RHCE: variants seen among roughly 807,000 people sequenced by gnomAD.
RHCE encodes the protein blood group Rh(CE) polypeptide.
In RHCE, 22 loss-of-function variants were observed where a neutral mutation model predicts 43.8. That is an observed-to-expected ratio of 0.50 (90% confidence interval 0.36 to 0.72). RHCE has a LOEUF of 0.72. RHCE is among the 30% of genes least tolerant of loss of function. RHCE has a pLI of 0.00. For synonymous variants in RHCE, 156 were observed against 210.7 expected (o/e 0.74, Z 2.25); for missense variants, 385 against 525.4 (o/e 0.73, Z 2.61).
intron 1 of RHCE, among the ~76,000 whole-genome samples, chr1:25,418,513 G>T (rs2042664250): frequency 1.3e-5 from 2 of 152,214 alleles, no homozygotes; most frequent in Admixed American, 6.5e-5. Flanking sequence ...ATGTTGGCCA[G>T]GCTGGTCTTG....
chr1:25,394,137 C>A (rs1646468299), intron 3 of RHCE, among the ~76,000 whole-genome samples: 1 of 152,052 alleles, frequency 6.6e-6, no homozygotes, highest in Non-Finnish European at 1.5e-5. Flanking sequence ...TACAGGCGCC[C>A]ACCACTGTGC....
At chr1:25,377,104 C>T (rs1645810920) in intron 7 of RHCE, among the ~76,000 whole-genome samples, 1 of 152,048 alleles carries the variant, frequency 6.6e-6, no homozygotes, top group Admixed American at 6.6e-5. Context: ...GCTTCCTCCC[C>T]AGCTCCAAAC....
chr1:25,374,713 C>T (rs560102806), intron 8 of RHCE, among the ~76,000 whole-genome samples: 52 of 81,588 alleles, frequency 6.4e-4, no homozygotes, highest in Admixed American at 3.2e-3. Flanking sequence ...CATCGCATAT[C>T]TCCCTCCTCT....
chr1:25,401,970 G>T (rs757830816), intron 3 of RHCE, among the ~76,000 whole-genome samples: 1 of 151,920 alleles, frequency 6.6e-6, no homozygotes, highest in Non-Finnish European at 1.5e-5. Context: ...TCCACCCTCC[G>T]GGTTCAAGCG....
At chr1:25,385,540 C>T (rs1271223273) in intron 7 of RHCE, 171 bp downstream of exon 7, 27 of 1,036,740 alleles carry the variant, frequency 2.6e-5, no homozygotes, top group Non-Finnish European at 3.2e-5. Context: ...ATAAATCCAT[C>T]CAAGGTAGGG....
chr1:25,416,818 G>GT (rs1239503833), intron 1 of RHCE, among the ~76,000 whole-genome samples: 3 of 92,322 alleles, frequency 3.2e-5, no homozygotes, highest in Non-Finnish European at 6.7e-5. Flanking sequence ...TTTAGAGATG[G>GT]CGGGGGGGGG....
At chr1:25,370,336 C>T (rs1412538109) in intron 9 of RHCE, 131 bp downstream of exon 9, 9 of 737,714 alleles carry the variant, frequency 1.2e-5, no homozygotes, top group Non-Finnish European at 1.5e-5. Flanking sequence ...TCCTCTAGTT[C>T]CTCCTGCAAT....
At chr1:25,426,995 T>C (rs966457296) in intron 2 of RHCE, among the ~76,000 whole-genome samples, 2 of 151,696 alleles carry the variant, frequency 1.3e-5, no homozygotes. Flanking sequence ...AGGCAGAGAT[T>C]GCAGTGAGCT....
chr1:25,382,836 T>C (rs1008429218), intron 7 of RHCE, among the ~76,000 whole-genome samples: 2 of 152,228 alleles, frequency 1.3e-5, no homozygotes, highest in African/African-American at 4.8e-5. Flanking sequence ...TTCATGAATT[T>C]AGCCATACTG....
In RHCE at chr1:25,385,729, A is replaced by G; in HGVS notation, c.1055T>C (p.Val352Ala). 1 of 1,613,982 alleles carries G rather than the reference A, an allele frequency of 6.2e-7. No homozygotes were observed. Among genetic ancestry groups the G allele is most frequent in the South Asian group, 1.1e-5 (1 of 91,082 alleles). ...GACCCACATGCCATTGCCGTTCCAG[A>G]CAGTATGAAGCACCAGCAGCACAAT... ...TYIVLLVLHT[V>A]WNGNGMIGFQ... Residue 352 changes from valine to alanine, a missense_variant, in exon 7 of 10, where the codon GTC becomes GCC. Physicochemically the swap from Val to Ala is moderately conservative, Grantham distance 64. Transcript: ENST00000294413.
chr1:25,428,024 T>C (rs778245559), intron 2 of RHCE, among the ~76,000 whole-genome samples: 1 of 146,216 alleles, frequency 6.8e-6, no homozygotes, highest in Non-Finnish European at 1.6e-5. Context: ...TGCTTCCACA[T>C]AGTCCTAGAG....
chr1:25,362,401 G>T lies in RHCE; in HGVS notation c.*126C>A. ...ATTTTTTAATATCAAATCTGTCTCTGACCTTGTTTCATTATACATAAGGAG... is the reference window on the plus strand; with the variant it reads ...ATTTTTTAATATCAAATCTGTCTCTTACCTTGTTTCATTATACATAAGGAG... On this transcript the variant is annotated 3_prime_UTR_variant, in exon 10 of 10. Coordinates refer to ENST00000294413, the MANE Select transcript of RHCE (RefSeq NM_020485.8). 6.2e-7 allele frequency: 1 copy of T among 1,608,690 alleles called. No individual in the cohort carries two copies. Among genetic ancestry groups the T allele is most frequent in the South Asian group, 1.1e-5 (1 of 90,382 alleles).
rs780267740 is a variant in RHCE at position 25,389,108 on chromosome 1, A to G, written c.807T>C (p.Tyr269=). ...AHPQRKISMT[Y]VHSAVLAGGV... ...CTCCTGCCAACACCGCACTGTGCAC[A>G]TAAGTCTGCAAAGAAATAGCGTGTG... Residue 269 remains tyrosine (Y), a synonymous_variant, in exon 6 of 10, where the codon TAT becomes TAC. Coordinates refer to ENST00000294413, the MANE Select transcript of RHCE (RefSeq NM_020485.8). The G allele has an allele frequency of 4.3e-6, 7 of 1,613,620 alleles. No individual in the cohort carries two copies. Among genetic ancestry groups the G allele is most frequent in the Non-Finnish European group, 5.1e-6 (6 of 1,179,900 alleles).
chr1:25,380,001 C>T (rs891965031), intron 7 of RHCE, among the ~76,000 whole-genome samples: 3 of 150,916 alleles, frequency 2.0e-5, no homozygotes, highest in African/African-American at 7.3e-5. Context: ...TTAACTTGTT[C>T]CAGCACCAAC....
chr1:25,429,549 T>C (rs541289978), intron 1 of RHCE, among the ~76,000 whole-genome samples: 1 of 152,350 alleles, frequency 6.6e-6, no homozygotes, highest in Non-Finnish European at 1.5e-5. Flanking sequence ...CATTCTGCAA[T>C]ATTTTCAGAA....
intron 2 of RHCE, among the ~76,000 whole-genome samples, chr1:25,427,259 C>T (rs2042811403): frequency 6.6e-6 from 1 of 152,204 alleles, no homozygotes; most frequent in South Asian, 2.1e-4. Flanking sequence ...GATCTGGCCT[C>T]TAGAGCTGTT....
At chr1:25,393,865 G>A (rs1216242611) in intron 3 of RHCE, among the ~76,000 whole-genome samples, 2 of 152,062 alleles carry the variant, frequency 1.3e-5, no homozygotes, top group Non-Finnish European at 2.9e-5. Flanking sequence ...CAGCCAGGGT[G>A]TAACAAGGGC....
intron 9 of RHCE, among the ~76,000 whole-genome samples, 200 bp downstream of exon 9, chr1:25,370,267 G>A (rs1023344721): frequency 9.9e-5 from 15 of 151,482 alleles, no homozygotes; most frequent in Non-Finnish European, 1.3e-4. Flanking sequence ...GGGAAATGGT[G>A]ACCTTTACCA....
At chr1:25,379,570 T>A (rs1171340364) in intron 7 of RHCE, among the ~76,000 whole-genome samples, 5 of 142,892 alleles carry the variant, frequency 3.5e-5, no homozygotes, top group Non-Finnish European at 6.1e-5. Context: ...AGTGGCATGA[T>A]CATAGCTCAC....
Sources: allele counts gnomAD v4.1 joint callset (sites outside exome capture counted in the v4.1 genomes callset), GRCh38; gene constraint gnomAD v4.1.1; transcripts MANE v1.5; gene names NCBI Gene and HGNC (gene_info 2026-07-23, HGNC 2026-07-21).